Variants in THSD7A observed in about 807,000 individuals in gnomAD.
The protein encoded by THSD7A is thrombospondin type 1 domain containing 7A.
A neutral mutation model predicts 231.3 loss-of-function variants in THSD7A; 96 were observed. The observed-to-expected ratio is 0.41, with a 90% CI of 0.35 to 0.49. The LOEUF (loss-of-function observed/expected upper bound fraction) is 0.49, where lower values mean the gene tolerates loss of function less well. Among genes scored for constraint, THSD7A ranks in the 20% least tolerant of loss-of-function variants. The probability of loss-of-function intolerance (pLI) is 0.05; values close to 1 mark genes in which losing one functional copy is unlikely to be tolerated. For missense variants in THSD7A, 2,290 were observed against 2,070.2 expected (o/e 1.11, Z -2.06); for synonymous variants, 940 against 743.3 (o/e 1.26, Z -4.30).
intron 6 of THSD7A, among the ~76,000 whole-genome samples, chr7:11,529,890 A>C (rs12670077): frequency 0.73 from 110,771 of 152,278 alleles, 41,736 homozygotes; most frequent in African/African-American, 0.92. Flanking sequence ...AGAGGAATAA[A>C]AGTAACAACA....
chr7:11,380,199 C>G lies in THSD7A; in HGVS notation c.4508-487G>C, dbSNP rs184726542. Among the ~76,000 whole-genome samples, 58 of 152,210 alleles carry G rather than the reference C, an allele frequency of 3.8e-4. 1 individual carries two copies. In the East Asian group the frequency reaches 8.9e-3, roughly 23 times the overall value. ...TTTTTCAGAAAAGTCACAATTTCTGCTAATTCATGGTGTTTTTTGGATATA... is the reference window on the plus strand; with the variant it reads ...TTTTTCAGAAAAGTCACAATTTCTGGTAATTCATGGTGTTTTTTGGATATA... On this transcript the variant is annotated intron_variant, in intron 24 of 27. Transcript: ENST00000423059.
intron 9 of THSD7A, among the ~76,000 whole-genome samples, chr7:11,468,850 A>G (rs1785818446): frequency 6.6e-6 from 1 of 152,040 alleles, no homozygotes; most frequent in South Asian, 2.1e-4. Flanking sequence ...ATAAAATAAA[A>G]TAAAGAATAA....
chr7:11,555,450 T>G (rs1167863005), intron 4 of THSD7A, among the ~76,000 whole-genome samples: 5 of 151,968 alleles, frequency 3.3e-5, no homozygotes, highest in Admixed American at 2.0e-4. Flanking sequence ...CTATAAATTA[T>G]TTTACATTTG....
In THSD7A at chr7:11,712,969, C is replaced by T. The variant is rs370866631; in HGVS notation, c.191-76008G>A. ...CCTAGGAATAAGCATCAAATTTCTC[C>T]GTCTTTTTTACTTCCATGGTACCAC... On this transcript the variant is annotated intron_variant, in intron 1 of 27. Transcript: ENST00000423059. Among the ~76,000 whole-genome samples, 6 of 151,096 alleles carry T rather than the reference C, an allele frequency of 4.0e-5. No individual in the cohort carries two copies. In the East Asian group the frequency reaches 1.2e-3, roughly 30 times the overall value.
chr7:11,552,374 C>T (rs922911217), intron 4 of THSD7A, among the ~76,000 whole-genome samples: 3 of 151,882 alleles, frequency 2.0e-5, no homozygotes, highest in African/African-American at 4.8e-5. Context: ...AAAAAGGAAA[C>T]AGGTTAAAAC....
intron 1 of THSD7A, among the ~76,000 whole-genome samples, chr7:11,809,049 GC>G (rs1313888526): frequency 7.2e-5 from 11 of 152,158 alleles, no homozygotes; most frequent in Admixed American, 3.3e-4. Flanking sequence ...AATTATTTAA[GC>G]TAAATTAAGT....
intron 1 of THSD7A, among the ~76,000 whole-genome samples, chr7:11,705,256 A>C (rs1780727339): frequency 6.6e-6 from 1 of 151,056 alleles, no homozygotes; most frequent in South Asian, 2.1e-4. Flanking sequence ...TATTTGCTTA[A>C]AGAGAGTCCC....
chr7:11,650,007 T>C (rs1454834515), intron 1 of THSD7A, among the ~76,000 whole-genome samples: 6 of 152,098 alleles, frequency 3.9e-5, no homozygotes, highest in Non-Finnish European at 5.9e-5. Context: ...GGAGTAAATG[T>C]GTACTGCTGT....
chr7:11,528,167 C>G (rs1200681492), intron 6 of THSD7A, among the ~76,000 whole-genome samples: 1 of 151,954 alleles, frequency 6.6e-6, no homozygotes, highest in East Asian at 1.9e-4. Flanking sequence ...GACCCATTCT[C>G]TAAAATAAAA....
chr7:11,493,369 A>T (rs1440131732), intron 6 of THSD7A, among the ~76,000 whole-genome samples: 1 of 152,138 alleles, frequency 6.6e-6, no homozygotes, highest in East Asian at 1.9e-4. Context: ...CTTGAAAAAG[A>T]TAGAAGAATG....
At chr7:11,747,381 C>T (rs1782345290) in intron 1 of THSD7A, among the ~76,000 whole-genome samples, 1 of 151,776 alleles carries the variant, frequency 6.6e-6, no homozygotes. Flanking sequence ...AAATTCCTCT[C>T]CGTTGAGTGA....
intron 1 of THSD7A, among the ~76,000 whole-genome samples, chr7:11,724,194 A>C (rs1781465828): frequency 2.0e-5 from 3 of 151,918 alleles, no homozygotes. Flanking sequence ...AAGTACATAA[A>C]AGAATGTAGC....
At chr7:11,627,668 A>G (rs1333680257) in intron 2 of THSD7A, among the ~76,000 whole-genome samples, 1 of 152,160 alleles carries the variant, frequency 6.6e-6, no homozygotes, top group Admixed American at 6.6e-5. Context: ...GAAGATAAAG[A>G]TGTCATAGTT....
chr7:11,400,161 T>C (rs1783346962), intron 23 of THSD7A, among the ~76,000 whole-genome samples: 1 of 107,242 alleles, frequency 9.3e-6, no homozygotes, highest in Non-Finnish European at 1.8e-5. Flanking sequence ...CGGCCTGTTA[T>C]GGGGTCGGGG....
chr7:11,497,717 G>A (rs115092759), intron 6 of THSD7A, among the ~76,000 whole-genome samples: 5 of 152,162 alleles, frequency 3.3e-5, no homozygotes, highest in Non-Finnish European at 7.3e-5. Flanking sequence ...CTCTCAGGGA[G>A]AGGAACAGAA....
At chr7:11,807,025 T>C (rs1562568912) in intron 1 of THSD7A, among the ~76,000 whole-genome samples, 2 of 152,160 alleles carry the variant, frequency 1.3e-5, no homozygotes, top group Non-Finnish European at 2.9e-5. Context: ...TTTCTTCTTC[T>C]TTCTCTCTCA....
intron 1 of THSD7A, among the ~76,000 whole-genome samples, chr7:11,749,428 T>G (rs1477902676): frequency 6.6e-6 from 1 of 151,978 alleles, no homozygotes; most frequent in Non-Finnish European, 1.5e-5. Flanking sequence ...ATAAATGTGT[T>G]GGGTGGCAGC....
intron 1 of THSD7A, among the ~76,000 whole-genome samples, chr7:11,688,786 T>C (rs1415161048): frequency 1.3e-5 from 2 of 151,810 alleles, no homozygotes; most frequent in Non-Finnish European, 2.9e-5. Flanking sequence ...AAGGAAATTG[T>C]TGGGCTGCAT....
chr7:11,532,283 A>T (rs1788740790), intron 6 of THSD7A, among the ~76,000 whole-genome samples: 1 of 152,154 alleles, frequency 6.6e-6, no homozygotes, highest in African/African-American at 2.4e-5. Context: ...CAACCCAAAG[A>T]ATTGTGAAAA....
Sources: gnomAD v4.1 joint callset for allele counts (sites outside exome capture counted in the v4.1 genomes callset) on GRCh38, gnomAD v4.1.1 for gene constraint, MANE v1.5 for transcripts, NCBI Gene and HGNC (gene_info 2026-07-23, HGNC 2026-07-21) for gene names.